CCDC194: variants seen among roughly 807,000 people sequenced by gnomAD.
CCDC194 encodes the protein coiled-coil domain containing 194.
A neutral mutation model predicts 4.9 loss-of-function variants in CCDC194; 8 were observed. The observed-to-expected ratio is 1.65, with a 90% CI of 0.97 to 2.97. The LOEUF is 2.97. Among genes scored for constraint, CCDC194 ranks in the 30% most tolerant of loss-of-function variants. The pLI, the probability that CCDC194 is intolerant of heterozygous loss-of-function variation, is 0.00. For synonymous variants in CCDC194, 13 were observed against 17.0 expected, an observed-to-expected ratio of 0.76 and a Z score of 0.58; for missense variants, 52 against 43.1, an observed-to-expected ratio of 1.21 and a Z score of -0.58.
At chr19:17,391,775 C>T in exon 2 of CCDC194, 1 of 1,535,710 alleles carries the variant, frequency 6.5e-7, no homozygotes, top group Non-Finnish European at 8.7e-7. Flanking sequence ...TCTCGGCCCC[C>T]ATCTGGGTCC....
chr19:17,389,239 C>T (rs747764703), downstream of CCDC194, among the ~76,000 whole-genome samples: 1 of 152,082 alleles, frequency 6.6e-6, no homozygotes, highest in Non-Finnish European at 1.5e-5. Context: ...GGAGATTAAT[C>T]CACCAAATTT....
rs528376124 is a variant in CCDC194, at chr19:17,392,214, T to G, written c.325-368A>C. 22 of 169,544 alleles carry G rather than the reference T, an allele frequency of 1.3e-4. 1 individual carries two copies. The highest frequency in any genetic ancestry group is 1.2e-3 in the Admixed American group (19 of 16,088). 10.5% of individuals were successfully genotyped at this position (169,544 alleles called of 1,614,324 possible). On this transcript the variant is annotated intron_variant, in intron 1 of 3. Coordinates refer to ENST00000636079, the Ensembl canonical transcript of CCDC194. Reference sequence around the variant, plus strand: ...TTAGCCGGGCGTCGTGGCTCACGCCTGTAATCTCAGCACTTTGGGAGACCG... The same window carrying G: ...TTAGCCGGGCGTCGTGGCTCACGCCGGTAATCTCAGCACTTTGGGAGACCG...
exon 3 of CCDC194, chr19:17,391,240 C>A (rs1461882121): frequency 5.0e-6 from 2 of 401,722 alleles, no homozygotes; most frequent in Non-Finnish European, 8.8e-6. Context: ...CCTCCCGGGC[C>A]GCACAGGCTT....
chr19:17,393,739 G>A (rs2074663719), intron 1 of CCDC194, 96 bp downstream of exon 1: 1 of 390,558 alleles, frequency 2.6e-6, no homozygotes, highest in Non-Finnish European at 4.5e-6. Context: ...TGGGGAAACC[G>A]AGGCACAGGG....
rs1475441422 is a variant in CCDC194 at position 17,391,351 on chromosome 19, C to T, written c.422-8G>A. On this transcript the variant is annotated splice_region_variant and splice_polypyrimidine_tract_variant and intron_variant, in intron 2 of 3. Coordinates refer to ENST00000636079, the Ensembl canonical transcript of CCDC194. ...CCCAGCGCGCCAGGGCCTCTGGGGGCGCAGGGAGCCGGGTCAGGCTGGAGA... is the reference window on the plus strand; with the variant it reads ...CCCAGCGCGCCAGGGCCTCTGGGGGTGCAGGGAGCCGGGTCAGGCTGGAGA... 2.2e-6 allele frequency: 1 copy of T among 447,956 alleles called. No individual in the cohort carries two copies. Among genetic ancestry groups the T allele is most frequent in the African/African-American group, 2.1e-5 (1 of 48,760 alleles). The allele number at this position is 447,956 out of a possible 1,614,324, so 27.7% of individuals were successfully genotyped here.
exon 3 of CCDC194, chr19:17,391,296 G>C: frequency 2.4e-6 from 1 of 421,462 alleles, no homozygotes; most frequent in East Asian, 3.6e-5. Context: ...GCCTCGTCCA[G>C]CCGCCGCGTA....
chr19:17,393,235 T>A (rs2145738297), intron 1 of CCDC194, among the ~76,000 whole-genome samples: 1 of 152,216 alleles, frequency 6.6e-6, no homozygotes, highest in South Asian at 2.1e-4. Flanking sequence ...TAATTACAGG[T>A]GACATGTATG....
chr19:17,388,917 C>T (rs903016454), downstream of CCDC194, among the ~76,000 whole-genome samples: 24 of 149,720 alleles, frequency 1.6e-4, no homozygotes, highest in Non-Finnish European at 3.1e-4. Context: ...TGGCTCACTG[C>T]AAACTTGACG....
chr19:17,388,818 T>A (rs909505973), downstream of CCDC194, among the ~76,000 whole-genome samples: 13 of 151,986 alleles, frequency 8.6e-5, no homozygotes, highest in African/African-American at 2.7e-4. Context: ...TTCTTAATAA[T>A]TTTTTTATAG....
At chr19:17,391,770 G>A (rs766658236) in exon 2 of CCDC194, 82 of 1,535,554 alleles carry the variant, frequency 5.3e-5, no homozygotes, top group Non-Finnish European at 7.1e-5. Flanking sequence ...CCCGTTCTCG[G>A]CCCCCATCTG....
intron 1 of CCDC194, among the ~76,000 whole-genome samples, chr19:17,393,139 A>G (rs1037270327): frequency 3.3e-5 from 5 of 152,140 alleles, no homozygotes; most frequent in Non-Finnish European, 4.4e-5. Flanking sequence ...CAGGGCTGGA[A>G]AAGGTTAAGA....
downstream of CCDC194, among the ~76,000 whole-genome samples, chr19:17,389,740 G>A (rs774984422): frequency 2.6e-5 from 4 of 152,268 alleles, no homozygotes; most frequent in South Asian, 2.1e-4. Flanking sequence ...CCGGGTGGGC[G>A]GATCACCTAA....
intron 1 of CCDC194, 139 bp downstream of exon 1, chr19:17,393,696 C>T (rs534717036): frequency 1.9e-4 from 74 of 389,172 alleles, no homozygotes; most frequent in Non-Finnish European, 3.0e-4. Context: ...GGCATTAGGG[C>T]GCTATTCTCA....
Position 17,391,848 on chromosome 19 carries a change from T to C in CCDC194, c.325-2A>G. The C allele has an allele frequency of 4.6e-6, 7 of 1,519,120 alleles. No individual in the cohort carries two copies. Among genetic ancestry groups the C allele is most frequent in the Non-Finnish European group, 5.3e-6 (6 of 1,138,358 alleles). The allele number at this position is 1,519,120 out of a possible 1,614,324, so 94.1% of individuals were successfully genotyped here. ...CGTTAGTTGGGTCTGAAGCCGGCTC[T>C]GAGGAGTGGAGGGGAAGTGGGAGGG... On this transcript the variant is annotated splice_acceptor_variant, in intron 1 of 3. Transcript: ENST00000636079. LOFTEE classifies it high-confidence loss of function.
exon 1 of CCDC194, chr19:17,394,039 G>A (rs2074665163): frequency 2.6e-6 from 1 of 389,282 alleles, no homozygotes. Context: ...GAGCAGCCGA[G>A]GCGGCCAGAT....
Position 17,390,734 on chromosome 19 carries a change from A to G in CCDC194, c.555-75T>C. 1 of 393,130 alleles carries G rather than the reference A, an allele frequency of 2.5e-6. No individual in the cohort carries two copies. The highest frequency in any genetic ancestry group is 4.5e-6 in the Non-Finnish European group (1 of 222,324). 24.4% of individuals were successfully genotyped at this position (393,130 alleles called of 1,614,324 possible). On this transcript the variant is annotated intron_variant, in intron 3 of 3. Coordinates refer to ENST00000636079, the Ensembl canonical transcript of CCDC194. The surrounding 1 kb of genome is among the most constrained non-coding windows in gnomAD (Gnocchi z 5.5). ...GACATCGCCAGCCCTCATCCGCCAG[A>G]GCGTCCCTTTGCTGGGAACTCCATC...
rs73921418 is a variant in CCDC194 at position 17,393,320 on chromosome 19, T to A, written c.324+515A>T. Among the ~76,000 whole-genome samples, 660 of 150,178 alleles carry A rather than the reference T, an allele frequency of 4.4e-3. 8 individuals are homozygous for A. The highest frequency in any genetic ancestry group is 0.016 in the African/African-American group (639 of 40,650). On this transcript the variant is annotated intron_variant, in intron 1 of 3. Coordinates refer to ENST00000636079, the Ensembl canonical transcript of CCDC194. ...TTGGCACATGGAGGAGGGCCTCCAG[T>A]GGTCTGGCGTTTCTCCAGACACCAT...
downstream of CCDC194, chr19:17,390,506 G>A: frequency 2.5e-6 from 1 of 392,862 alleles, no homozygotes; most frequent in Non-Finnish European, 4.5e-6. The surrounding 1 kb of genome is among the most constrained non-coding windows in gnomAD (Gnocchi z 5.5). Flanking sequence ...GCAGGGGGCC[G>A]ACTCACCCTC....
chr19:17,391,571 G>T, intron 2 of CCDC194, 179 bp downstream of exon 2: 1 of 1,423,496 alleles, frequency 7.0e-7, no homozygotes, highest in Non-Finnish European at 9.4e-7. Flanking sequence ...TGTGGCATTT[G>T]CCTTGTTTTT....
Sources: allele counts gnomAD v4.1 joint callset (sites outside exome capture counted in the v4.1 genomes callset), GRCh38; gene constraint gnomAD v4.1.1; non-coding constraint Gnocchi (gnomAD v3.1); transcripts MANE v1.5; gene names NCBI Gene and HGNC (gene_info 2026-07-23, HGNC 2026-07-21).